Variants in NAALADL2 observed in about 807,000 individuals in gnomAD.
NAALADL2 encodes the protein inactive N-acetylated-alpha-linked acidic dipeptidase-like protein 2.
Under a neutral mutation model 87.2 loss-of-function variants are expected in NAALADL2, and 76 were observed. The observed-to-expected ratio is 0.87, with a 90% CI of 0.72 to 1.05. NAALADL2 has a LOEUF of 1.05. Among genes scored for constraint, NAALADL2 ranks in the 50% least tolerant of loss-of-function variants. The probability of loss-of-function intolerance (pLI) is 0.00; values close to 1 mark genes in which losing one functional copy is unlikely to be tolerated. For synonymous variants in NAALADL2, 354 were observed against 331.0 expected (o/e 1.07, Z -0.75); for missense variants, 1,089 against 945.8 (o/e 1.15, Z -1.99).
At chr3:174,832,916 A>G (rs888843003) in intron 3 of NAALADL2, among the ~76,000 whole-genome samples, 11 of 152,174 alleles carry the variant, frequency 7.2e-5, no homozygotes, top group African/African-American at 2.4e-4. Context: ...GTAATTTAAC[A>G]TGTTTCAAAA....
intron 3 of NAALADL2, among the ~76,000 whole-genome samples, chr3:174,807,693 A>T (rs921347435): frequency 2.2e-4 from 34 of 152,122 alleles, no homozygotes; most frequent in African/African-American, 8.0e-4. Flanking sequence ...TTGGAATGTA[A>T]TTTTAAAATA....
chr3:174,463,893 C>T (rs1298013701), intron 1 of NAALADL2, among the ~76,000 whole-genome samples: 1 of 151,992 alleles, frequency 6.6e-6, no homozygotes, highest in Non-Finnish European at 1.5e-5. Flanking sequence ...CCACCGGGCC[C>T]GGCCAAGATT....
At chr3:174,814,569 G>A (rs1720582182) in intron 3 of NAALADL2, among the ~76,000 whole-genome samples, 1 of 151,956 alleles carries the variant, frequency 6.6e-6, no homozygotes, top group Admixed American at 6.6e-5. Flanking sequence ...GATTTTTAAG[G>A]TATGGAATAA....
intron 1 of NAALADL2, among the ~76,000 whole-genome samples, chr3:175,089,813 C>A (rs1053177792): frequency 6.6e-6 from 1 of 152,144 alleles, no homozygotes; most frequent in Non-Finnish European, 1.5e-5. Context: ...TATATATTAA[C>A]AACTGAGATC....
At chr3:174,810,988 AG>A (rs1331637725) in intron 3 of NAALADL2, among the ~76,000 whole-genome samples, 1 of 152,182 alleles carries the variant, frequency 6.6e-6, no homozygotes, top group Non-Finnish European at 1.5e-5. Context: ...ACTGTTTCAG[AG>A]GGTGCAAGCT....
At chr3:175,414,175 T>C (rs1171342555) in intron 5 of NAALADL2, among the ~76,000 whole-genome samples, 2 of 152,216 alleles carry the variant, frequency 1.3e-5, no homozygotes, top group Non-Finnish European at 2.9e-5. Flanking sequence ...ACAGTATGCC[T>C]GGCTCATAGC....
chr3:174,898,581 A>G (rs572589988), intron 1 of NAALADL2, among the ~76,000 whole-genome samples: 1 of 152,028 alleles, frequency 6.6e-6, no homozygotes, highest in Non-Finnish European at 1.5e-5. Flanking sequence ...CTTATTTCCA[A>G]TTGCGTGCTT....
chr3:175,036,858 C>G (rs1452621270), intron 1 of NAALADL2, among the ~76,000 whole-genome samples: 1 of 128,114 alleles, frequency 7.8e-6, no homozygotes, highest in Admixed American at 9.1e-5. Flanking sequence ...ACAACAACAA[C>G]AACAGCATAA....
chr3:175,015,546 A>G (rs766996343), intron 1 of NAALADL2, among the ~76,000 whole-genome samples: 4 of 152,106 alleles, frequency 2.6e-5, no homozygotes, highest in African/African-American at 7.2e-5. Context: ...GTATCAATTC[A>G]TCACAGTTCA....
At chr3:174,927,081 T>G (rs1356702386) in intron 1 of NAALADL2, among the ~76,000 whole-genome samples, 1 of 148,046 alleles carries the variant, frequency 6.8e-6, no homozygotes, top group South Asian at 2.1e-4. Context: ...TAAAACAGAC[T>G]TTAAACCAAC....
At chr3:174,922,019 T>TTAATAATA (rs1262805315) in intron 1 of NAALADL2, among the ~76,000 whole-genome samples, 1 of 152,016 alleles carries the variant, frequency 6.6e-6, no homozygotes, top group Non-Finnish European at 1.5e-5. Context: ...TTTTATGTTA[T>TTAATAATA]TAATAATATA....
At position 175,631,541 on chromosome 3, in the gene NAALADL2, C is replaced by T. The variant is rs553063825; in HGVS notation, c.1896+4155C>T. Among the ~76,000 whole-genome samples, 4 of 151,168 alleles carry T rather than the reference C, an allele frequency of 2.6e-5. No homozygotes were observed. The East Asian group carries it at 5.8e-4, about 22-fold the overall frequency. On this transcript the variant is annotated intron_variant, in intron 11 of 13. Coordinates refer to ENST00000454872, the MANE Select transcript of NAALADL2 (RefSeq NM_207015.3). Reference sequence around the variant, plus strand: ...ACCTAAGAAAGTAACGAATGAGGCTCAGTATTGATGCCAATAGGTGTAATT... The same window carrying T: ...ACCTAAGAAAGTAACGAATGAGGCTTAGTATTGATGCCAATAGGTGTAATT...
chr3:175,258,322 AC>A (rs1212276826), intron 4 of NAALADL2, among the ~76,000 whole-genome samples: 26,625 of 105,926 alleles, frequency 0.25, 3,561 homozygotes, highest in South Asian at 0.48. Flanking sequence ...CGCCCCCACC[AC>A]CAAAAAAAAA....
chr3:175,359,044 C>T (rs1764693527), intron 5 of NAALADL2, among the ~76,000 whole-genome samples: 1 of 151,950 alleles, frequency 6.6e-6, no homozygotes, highest in Non-Finnish European at 1.5e-5. Context: ...ATTGAAGTAA[C>T]CAATTATTTT....
At chr3:174,826,050 A>G (rs1164708418) in intron 3 of NAALADL2, among the ~76,000 whole-genome samples, 2 of 147,632 alleles carry the variant, frequency 1.4e-5, no homozygotes, top group Admixed American at 6.7e-5. Context: ...CAACAACAAC[A>G]ACGACAACAA....
At chr3:175,184,660 G>T (rs1737070502) in intron 2 of NAALADL2, among the ~76,000 whole-genome samples, 1 of 151,954 alleles carries the variant, frequency 6.6e-6, no homozygotes, top group Non-Finnish European at 1.5e-5. Context: ...TGTAGTTAAT[G>T]CTTTGGAGTT....
intron 1 of NAALADL2, among the ~76,000 whole-genome samples, chr3:175,043,786 A>T (rs1754360635): frequency 6.6e-6 from 1 of 152,172 alleles, no homozygotes; most frequent in African/African-American, 2.4e-5. Context: ...AGAGCTTTGT[A>T]ATAAAATTTG....
chr3:174,786,632 A>T (rs1037346446), intron 3 of NAALADL2, among the ~76,000 whole-genome samples: 1 of 152,022 alleles, frequency 6.6e-6, no homozygotes, highest in African/African-American at 2.4e-5. Flanking sequence ...CTAAGAAACC[A>T]TTCTGCTAAT....
At chr3:175,357,837 A>G (rs1764564175) in intron 5 of NAALADL2, among the ~76,000 whole-genome samples, 1 of 152,166 alleles carries the variant, frequency 6.6e-6, no homozygotes, top group African/African-American at 2.4e-5. Context: ...GGATTAGAAT[A>G]AAGGGAATTG....
Sources: gnomAD v4.1 joint callset for allele counts (sites outside exome capture counted in the v4.1 genomes callset) on GRCh38, gnomAD v4.1.1 for gene constraint, MANE v1.5 for transcripts, NCBI Gene and HGNC (gene_info 2026-07-23, HGNC 2026-07-21) for gene names.